Variants in IL22 observed in about 807,000 individuals in gnomAD.
The protein encoded by IL22 is interleukin-22.
In IL22, 15 loss-of-function variants were observed where a neutral mutation model predicts 15.5. The observed-to-expected ratio is 0.97, with a 90% CI of 0.65 to 1.49. The LOEUF (loss-of-function observed/expected upper bound fraction) is 1.49, where lower values mean the gene tolerates loss of function less well. Ranked by LOEUF, IL22 falls within the 40% of genes most tolerant of loss-of-function variation. The pLI is 0.00. For synonymous variants in IL22, 91 were observed against 82.0 expected, an observed-to-expected ratio of 1.11 and a Z score of -0.60; for missense variants, 225 against 215.4, an observed-to-expected ratio of 1.04 and a Z score of -0.28.
At position 68,248,576 on chromosome 12, in the gene IL22, T is replaced by C. The variant is rs1869815621; in HGVS notation, c.*223A>G. ...GAACACCAGTTACAATGAAATGTTA[T>C]CAATAAATATCTATGCTTAGAAAGT... On this transcript the variant is annotated 3_prime_UTR_variant, in exon 6 of 6. Coordinates refer to ENST00000538666, the MANE Select transcript of IL22 (RefSeq NM_020525.5). The C allele has an allele frequency of 2.3e-6, 1 of 441,786 alleles. No individual in the cohort carries two copies. Among genetic ancestry groups the C allele is most frequent in the Admixed American group, 4.1e-5 (1 of 24,330 alleles). The allele number at this position is 441,786 out of a possible 1,614,324, so 27.4% of individuals were successfully genotyped here. A position where few individuals can be genotyped will look rare whatever the true frequency, so the allele number is the denominator to read the frequency against.
At chr12:68,251,118 T>C (rs1869915044) in intron 5 of IL22, among the ~76,000 whole-genome samples, 1 of 152,228 alleles carries the variant, frequency 6.6e-6, no homozygotes. Flanking sequence ...AAACAAGTAC[T>C]TCTTCAGATT....
chr12:68,249,312 G>A (rs760017129), intron 5 of IL22, among the ~76,000 whole-genome samples: 1 of 152,186 alleles, frequency 6.6e-6, no homozygotes, highest in Non-Finnish European at 1.5e-5. Context: ...CATGGCCCAG[G>A]ACAGCTTTGA....
chr12:68,249,987 C>T (rs1338479752), intron 5 of IL22, among the ~76,000 whole-genome samples: 1 of 152,144 alleles, frequency 6.6e-6, no homozygotes, highest in African/African-American at 2.4e-5. Context: ...TACCAACCTG[C>T]GTTCTGCTTT....
intron 5 of IL22, 150 bp from the exon 6 acceptor site, chr12:68,249,026 T>C (rs184366105): frequency 1.4e-5 from 9 of 643,584 alleles, no homozygotes; most frequent in Admixed American, 8.1e-5. Context: ...TTTAGTATTG[T>C]ATGATTTGCC....
At position 68,248,547 on chromosome 12, in the gene IL22, T is replaced by C. The variant is rs897959591; in HGVS notation, c.*252A>G. On this transcript the variant is annotated 3_prime_UTR_variant, in exon 6 of 6. Transcript: ENST00000538666. ...TTTAAAAAATAAATTGTTTTCTGTG[T>C]ATAGAACACCAGTTACAATGAAATG... The C allele has an allele frequency of 1.1e-5, 4 of 368,696 alleles. No individual in the cohort carries two copies. The highest frequency in any genetic ancestry group is 8.4e-5 in the African/African-American group (4 of 47,844). The allele number at this position is 368,696 out of a possible 1,614,324, so 22.8% of individuals were successfully genotyped here.
In IL22 at chr12:68,252,763, C is replaced by T; in HGVS notation, c.252+1G>A. The stretch of plus-strand genomic sequence containing the variant: ...CCCTGTTCGTCACAACTGTAGCTTA[C>T]ACTGACTCCGTGGAACAGTTTCTCC... On this transcript the variant is annotated splice_donor_variant, in intron 3 of 5. Transcript: ENST00000538666. LOFTEE classifies it high-confidence loss of function. 1 of 1,613,818 alleles carries T rather than the reference C, an allele frequency of 6.2e-7. No individual in the cohort carries two copies. The highest frequency in any genetic ancestry group is 8.5e-7 in the Non-Finnish European group (1 of 1,179,740).
chr12:68,253,464 C>T lies in IL22; in HGVS notation c.-16G>A, dbSNP rs752723994. 4 of 1,551,802 alleles carry T rather than the reference C, an allele frequency of 2.6e-6. No individual in the cohort carries two copies. In the South Asian group the frequency reaches 3.6e-5, roughly 14 times the overall value. ...GGGCGGCCATTGCAGACAATTCTAA[C>T]TCGAGCAACTGGTGACTGGGGAAGG... On this transcript the variant is annotated 5_prime_UTR_variant, in exon 2 of 6. Coordinates refer to ENST00000538666, the MANE Select transcript of IL22 (RefSeq NM_020525.5).
chr12:68,253,171 C>G, intron 2 of IL22, 92 bp downstream of exon 2: 1 of 1,123,174 alleles, frequency 8.9e-7, no homozygotes. Flanking sequence ...CAGTGGGTTC[C>G]TAAAGCTCTT....
chr12:68,251,574 A>G lies in IL22; in HGVS notation c.401T>C (p.Ile134Thr). ...RLSNRLSTCH[I>T]EGDDLHIQRN... ...CTGGATATGCAGGTCATCACCTTCAATATGCTATAAAACAATAACAAGCAT... is the reference window on the plus strand; with the variant it reads ...CTGGATATGCAGGTCATCACCTTCAGTATGCTATAAAACAATAACAAGCAT... The change falls in exon 5 of 6, where the codon ATT becomes ACT. Residue 134 changes from isoleucine (I) to threonine (T), a missense_variant. Coordinates refer to ENST00000538666, the MANE Select transcript of IL22 (RefSeq NM_020525.5). 1.9e-6 allele frequency: 3 copies of G among 1,609,564 alleles called. No homozygotes were observed. Among genetic ancestry groups the G allele is most frequent in the Non-Finnish European group, 2.6e-6 (3 of 1,175,942 alleles).
rs767038089 is a variant in IL22 at position 68,248,817 on chromosome 12, C to T, written c.522G>A (p.Leu174=). ...GCTCTGGTCAAATGCAGGCATTTCTCAGAGACATAAACAGCAAATCCAGTT... is the reference window on the plus strand; with the variant it reads ...GCTCTGGTCAAATGCAGGCATTTCTTAGAGACATAAACAGCAAATCCAGTT... The part of the protein sequence containing the change: ...IGELDLLFMS[L]RNACI Residue 174 remains leucine (L), a synonymous_variant, in exon 6 of 6, where the codon CTG becomes CTA. Coordinates refer to ENST00000538666, the MANE Select transcript of IL22 (RefSeq NM_020525.5). The T allele has an allele frequency of 5.6e-6, 9 of 1,612,680 alleles. No individual in the cohort carries two copies. The highest frequency in any genetic ancestry group is 1.6e-4 in the Middle Eastern group (1 of 6,078).
intron 5 of IL22, 100 bp from the exon 6 acceptor site, chr12:68,248,976 C>T (rs781766741): frequency 7.8e-5 from 71 of 910,424 alleles, no homozygotes; most frequent in Admixed American, 1.7e-4. Flanking sequence ...AGACAGAAAC[C>T]GAGTTTTAAG....
rs765938984 is a variant in IL22, at chr12:68,253,345, G to A, written c.104C>T (p.Pro35Leu). 1.9e-6 allele frequency: 3 copies of A among 1,613,800 alleles called. No individual in the cohort carries two copies. The East Asian group carries it at 6.7e-5, about 36-fold the overall frequency. ...ALLVQGGAAA[P>L]ISSHCRLDKS... ...GTCAAGCCTGCAGTGGGAGCTGATG[G>A]GCGCAGCTGCTCCTCCCTGTACCAA... The change falls in exon 2 of 6, where the codon CCC (proline) becomes CTC (leucine). Residue 35 changes from proline (P) to leucine (L), a missense_variant. Physicochemically the swap from Pro to Leu is moderately conservative, Grantham distance 98 (BLOSUM62 -3). Coordinates refer to ENST00000538666, the MANE Select transcript of IL22 (RefSeq NM_020525.5).
At position 68,248,780 on chromosome 12, in the gene IL22, T is replaced by C. The variant is rs769167674; in HGVS notation, c.*19A>G. On this transcript the variant is annotated 3_prime_UTR_variant, in exon 6 of 6. Transcript: ENST00000538666. Reference sequence around the variant, plus strand: ...GCAGGGAAAGGGGGTTAGTTATTCATTTTTCAGCTTTGCTCTGGTCAAATG... The same window carrying C: ...GCAGGGAAAGGGGGTTAGTTATTCACTTTTCAGCTTTGCTCTGGTCAAATG... 6.3e-7 allele frequency: 1 copy of C among 1,595,236 alleles called. No individual in the cohort carries two copies. Among genetic ancestry groups the C allele is most frequent in the Non-Finnish European group, 8.6e-7 (1 of 1,165,834 alleles).
Position 68,252,496 on chromosome 12 carries a change from G to C in IL22, c.396+8C>G. On this transcript the variant is annotated splice_region_variant and intron_variant, in intron 4 of 5. Coordinates refer to ENST00000538666, the MANE Select transcript of IL22 (RefSeq NM_020525.5). ...GGTAGGTGGGCATAGGCTGAGAGCT[G>C]AACTTACACATGTGCTTAGCCTGTT... 2 of 1,613,486 alleles carry C rather than the reference G, an allele frequency of 1.2e-6. No homozygotes were observed. The highest frequency in any genetic ancestry group is 1.7e-6 in the Non-Finnish European group (2 of 1,179,848).
chr12:68,251,079 A>C (rs1869913365), intron 5 of IL22, among the ~76,000 whole-genome samples: 1 of 152,194 alleles, frequency 6.6e-6, no homozygotes, highest in Non-Finnish European at 1.5e-5. Flanking sequence ...ACTTCAAATA[A>C]ATTTGCCCAT....
In IL22 at chr12:68,248,617, A is replaced by T. The variant is rs941180526; in HGVS notation, c.*182T>A. ...CTTAGAAAGTCTACCTTCTGGTCTTATAAACAAAAGTGGCATTGGTTTCCT... is the reference window on the plus strand; with the variant it reads ...CTTAGAAAGTCTACCTTCTGGTCTTTTAAACAAAAGTGGCATTGGTTTCCT... On this transcript the variant is annotated 3_prime_UTR_variant, in exon 6 of 6. Transcript: ENST00000538666. 1.7e-6 allele frequency: 1 copy of T among 572,226 alleles called. No homozygotes were observed. The highest frequency in any genetic ancestry group is 3.1e-6 in the Non-Finnish European group (1 of 322,860). 35.4% of individuals were successfully genotyped at this position (572,226 alleles called of 1,614,324 possible).
Position 68,252,519 on chromosome 12 carries a change from G to T in IL22, c.381C>A (p.Asn127Lys). 1 of 1,613,964 alleles carries T rather than the reference G, an allele frequency of 6.2e-7. No homozygotes were observed. Among genetic ancestry groups the T allele is most frequent in the Non-Finnish European group, 8.5e-7 (1 of 1,179,958 alleles). ...CTGAACTTACACATGTGCTTAGCCT[G>T]TTGCTGAGCCTGGCCAGGAAGGGCA... Reference protein sequence around the residue: ...EVVPFLARLSNRLSTCHIEGD... With the variant: ...EVVPFLARLSKRLSTCHIEGD... The change falls in exon 4 of 6, where the codon AAC (asparagine) becomes AAA (lysine). Residue 127 changes from asparagine to lysine, a missense_variant. By Grantham distance (94) the Asn-to-Lys change is moderately conservative. Coordinates refer to ENST00000538666, the MANE Select transcript of IL22 (RefSeq NM_020525.5).
chr12:68,252,245 T>G (rs1869956828), intron 4 of IL22, among the ~76,000 whole-genome samples: 1 of 152,180 alleles, frequency 6.6e-6, no homozygotes, highest in South Asian at 2.1e-4. Context: ...CTGAGTTGCC[T>G]TTTTTCCGAA....
chr12:68,251,361 G>T (rs189946064), intron 5 of IL22, 152 bp downstream of exon 5: 3 of 623,856 alleles, frequency 4.8e-6, no homozygotes, highest in African/African-American at 3.7e-5. Context: ...TAGATATATA[G>T]ATATATCTAC....
Sources: allele counts gnomAD v4.1 joint callset (sites outside exome capture counted in the v4.1 genomes callset), GRCh38; gene constraint gnomAD v4.1.1; transcripts MANE v1.5; gene names NCBI Gene and HGNC (gene_info 2026-07-23, HGNC 2026-07-21).